Variants in NLRP14 observed in about 807,000 individuals in gnomAD.
NLRP14 encodes NLR family pyrin domain containing 14, also known as NACHT, LRR and PYD domains-containing protein 14.
A neutral mutation model predicts 94.7 loss-of-function variants in NLRP14; 105 were observed. The observed-to-expected ratio is 1.11, with a 90% CI of 0.95 to 1.30. The LOEUF (loss-of-function observed/expected upper bound fraction) is 1.30, where lower values mean the gene tolerates loss of function less well. Ranked by LOEUF, NLRP14 falls within the 50% of genes most tolerant of loss-of-function variation. The pLI is 0.00. For synonymous variants in NLRP14, 508 were observed against 459.9 expected, an observed-to-expected ratio of 1.10 and a Z score of -1.34; for missense variants, 1,362 against 1,254.1, an observed-to-expected ratio of 1.09 and a Z score of -1.30.
At position 7,039,749 on chromosome 11, in the gene NLRP14, G is replaced by C. The variant is rs777175113; in HGVS notation, c.325G>C (p.Ala109Pro). ...AQTIGPDDAK[A>P]GETQEDQEAV... ...GACTATAGGACCAGATGATGCCAAG[G>C]CTGGAGAGACACAAGAAGATCAGGA... Residue 109 changes from alanine to proline, a missense_variant, in exon 3 of 12, where the codon GCT becomes CCT. By Grantham distance (27) the Ala-to-Pro change is conservative. Transcript: ENST00000299481. 237 of 1,613,974 alleles carry C rather than the reference G, an allele frequency of 1.5e-4. No individual in the cohort carries two copies. Among genetic ancestry groups the C allele is most frequent in the Non-Finnish European group, 2.0e-4 (231 of 1,179,960 alleles).
chr11:7,035,516 T>A (rs971045427), intron 1 of NLRP14, among the ~76,000 whole-genome samples: 2 of 152,136 alleles, frequency 1.3e-5, no homozygotes, highest in African/African-American at 4.8e-5. Flanking sequence ...CAACATCATA[T>A]AACGCACGTA....
downstream of NLRP14, among the ~76,000 whole-genome samples, chr11:7,072,073 T>C (rs1852809327): frequency 6.6e-6 from 1 of 152,248 alleles, no homozygotes; most frequent in Non-Finnish European, 1.5e-5. Flanking sequence ...GTTCTGGTTA[T>C]TTATTGATCG....
At chr11:7,081,548 T>G in the NLRP14 span, among the ~76,000 whole-genome samples, 2 of 152,220 alleles carry the variant, frequency 1.3e-5, no homozygotes, top group Non-Finnish European at 2.9e-5. Flanking sequence ...TTATCCTTGT[T>G]GGCAAAGTAT....
chr11:7,075,454 G>A (rs961814541), downstream of NLRP14, among the ~76,000 whole-genome samples: 13 of 152,114 alleles, frequency 8.5e-5, no homozygotes, highest in Admixed American at 2.6e-4. Context: ...CATTGAAAAG[G>A]CGTTTAATAA....
rs374638330 is a variant in NLRP14, at chr11:7,060,050, T to C, written c.2790T>C (p.Asn930=). 67 of 1,612,436 alleles carry C rather than the reference T, an allele frequency of 4.2e-5. No homozygotes were observed. The highest frequency in any genetic ancestry group is 5.3e-5 in the Non-Finnish European group (62 of 1,178,824). ...LCDVFRHPSC[N]LQDLELMGCV... The stretch of plus-strand genomic sequence containing the variant: ...ATGTCTTTCGGCATCCAAGCTGTAA[T>C]CTTCAGGACTTGGAGTAGGTTTTCT... The change falls in exon 9 of 12, where the codon AAT becomes AAC. Residue 930 remains asparagine, a synonymous_variant. Transcript: ENST00000299481.
chr11:7,044,227 G>A (rs1224449289), intron 4 of NLRP14, among the ~76,000 whole-genome samples: 1 of 152,186 alleles, frequency 6.6e-6, no homozygotes, highest in Non-Finnish European at 1.5e-5. Context: ...CCAGGAGAGG[G>A]ACTGGGCTGA....
chr11:7,089,051 G>C, the NLRP14 span: 1 of 1,539,652 alleles, frequency 6.5e-7, no homozygotes, highest in South Asian at 1.2e-5. Context: ...CGACGAGCGA[G>C]CTCGAAGGCT....
At position 7,043,409 on chromosome 11, in the gene NLRP14, G is replaced by A; in HGVS notation, c.1383G>A (p.Met461Ile). 1 of 1,613,986 alleles carries A rather than the reference G, an allele frequency of 6.2e-7. No homozygotes were observed. Among genetic ancestry groups the A allele is most frequent in the Non-Finnish European group, 8.5e-7 (1 of 1,179,876 alleles). ...GLTQSDVSSF[M>I]DSNIIQKDAE... ...CTCAATCTGATGTCTCTAGTTTTAT[G>A]GACAGCAATATTATTCAGAAGGACG... is the stretch of plus-strand genomic sequence containing the variant. Residue 461 changes from methionine (M) to isoleucine (I), a missense_variant, in exon 4 of 12, where the codon ATG becomes ATA. Met to Ile is a conservative substitution (Grantham distance 10). Transcript: ENST00000299481.
chr11:7,050,328 A>G (rs1236163184), intron 6 of NLRP14, among the ~76,000 whole-genome samples: 1 of 152,182 alleles, frequency 6.6e-6, no homozygotes, highest in African/African-American at 2.4e-5. Context: ...AAGAGCATGG[A>G]AATGGTCCTC....
At chr11:7,082,748 T>C in the NLRP14 span, among the ~76,000 whole-genome samples, 1 of 152,210 alleles carries the variant, frequency 6.6e-6, no homozygotes, top group Non-Finnish European at 1.5e-5. Context: ...CTGGTCTAAT[T>C]GCAGGCAGCA....
chr11:7,071,286 T>A lies in NLRP14; in HGVS notation c.3260T>A (p.Val1087Glu). The part of the protein sequence containing the change: ...PDCNYHNEED[V>E]SWWWCF The stretch of plus-strand genomic sequence containing the variant: ...TGTAACTATCATAATGAAGAAGATG[T>A]GTCTTGGTGGTGGTGTTTCTGATTT... Residue 1087 changes from valine (V) to glutamate (E), a missense_variant, in exon 12 of 12, where the codon GTG becomes GAG. Physicochemically the swap from Val to Glu is moderately radical, Grantham distance 121. Coordinates refer to ENST00000299481, the MANE Select transcript of NLRP14 (RefSeq NM_176822.4). 1 of 1,613,458 alleles carries A rather than the reference T, an allele frequency of 6.2e-7. No individual in the cohort carries two copies. The highest frequency in any genetic ancestry group is 8.5e-7 in the Non-Finnish European group (1 of 1,179,550).
chr11:7,026,749 A>G (rs1852020496), intron 1 of NLRP14, among the ~76,000 whole-genome samples: 1 of 148,378 alleles, frequency 6.7e-6, no homozygotes, highest in Admixed American at 6.7e-5. Flanking sequence ...AAGACTTGGA[A>G]CCAACCCAAA....
At chr11:7,077,203 G>C in the NLRP14 span, among the ~76,000 whole-genome samples, 1 of 152,252 alleles carries the variant, frequency 6.6e-6, no homozygotes, top group Non-Finnish European at 1.5e-5. Flanking sequence ...CCCTGAGCCA[G>C]ACGCCCTCGG....
At chr11:7,049,278 C>A (rs146165411) in intron 5 of NLRP14, among the ~76,000 whole-genome samples, 2 of 152,122 alleles carry the variant, frequency 1.3e-5, no homozygotes, top group Non-Finnish European at 2.9e-5. Flanking sequence ...TTTGCAACAG[C>A]GTTTTGTTAT....
chr11:7,081,301 A>C, the NLRP14 span, among the ~76,000 whole-genome samples: 22 of 152,156 alleles, frequency 1.4e-4, no homozygotes, highest in African/African-American at 5.3e-4. Flanking sequence ...GGGAAAGTGA[A>C]GAAGACAGAA....
chr11:7,054,278 G>T (rs1008391422), intron 6 of NLRP14, among the ~76,000 whole-genome samples: 1 of 152,040 alleles, frequency 6.6e-6, no homozygotes, highest in Non-Finnish European at 1.5e-5. Flanking sequence ...GGGAGTGCAG[G>T]TATCTCTTCA....
At chr11:7,036,770 G>A (rs1852168558) in intron 1 of NLRP14, among the ~76,000 whole-genome samples, 1 of 152,090 alleles carries the variant, frequency 6.6e-6, no homozygotes, top group Non-Finnish European at 1.5e-5. Flanking sequence ...AGGTGATAGA[G>A]TATAGAAGAT....
intron 6 of NLRP14, among the ~76,000 whole-genome samples, chr11:7,052,799 A>C (rs1852459752): frequency 6.6e-6 from 1 of 152,224 alleles, no homozygotes; most frequent in African/African-American, 2.4e-5. Context: ...TCTGTGGCTC[A>C]ATACAATTGT....
rs1397703474 is a variant in NLRP14, at chr11:7,042,769, T to C, written c.743T>C (p.Met248Thr). The C allele has an allele frequency of 1.9e-6, 3 of 1,614,092 alleles. No homozygotes were observed. Among genetic ancestry groups the C allele is most frequent in the African/African-American group, 1.3e-5 (1 of 74,932 alleles). The change falls in exon 4 of 12, where the codon ATG becomes ACG. Residue 248 changes from methionine to threonine, a missense_variant. Transcript: ENST00000299481. ...PSTEGPIEEI[M>T]YQPSSLLFII... ...ACAGAAGGCCCCATTGAAGAAATCA[T>C]GTACCAGCCAAGTAGCCTCTTGTTT...
Sources: allele counts gnomAD v4.1 joint callset (sites outside exome capture counted in the v4.1 genomes callset), GRCh38; gene constraint gnomAD v4.1.1; transcripts MANE v1.5; gene names NCBI Gene and HGNC (gene_info 2026-07-23, HGNC 2026-07-21).